The following PCDHGB5 variants were observed in gnomAD, a reference collection of about 807,000 sequenced individuals.
The protein encoded by PCDHGB5 is protocadherin gamma subfamily B, 5.
PCDHGB5 carries 48 observed loss-of-function variants against 62.9 expected under a neutral mutation model. The observed-to-expected ratio is 0.76, with a 90% CI of 0.61 to 0.97. The LOEUF (loss-of-function observed/expected upper bound fraction) is 0.97, where lower values mean the gene tolerates loss of function less well. Ranked by LOEUF, PCDHGB5 falls within the 50% of genes least tolerant of loss-of-function variation. The pLI is 0.00. For synonymous variants in PCDHGB5, 474 were observed against 511.2 expected, an observed-to-expected ratio of 0.93 and a Z score of 0.98; for missense variants, 1,118 against 1,198.6, an observed-to-expected ratio of 0.93 and a Z score of 0.99.
rs1292277026 is a variant in PCDHGB5 at position 141,489,814 on chromosome 5, CCA to C, written c.2398-4992_2398-4991del. 6 of 1,614,024 alleles carry C rather than the reference CCA, an allele frequency of 3.7e-6. No homozygotes were observed. Among genetic ancestry groups the C allele is most frequent in the Non-Finnish European group, 8.5e-7 (1 of 1,180,004 alleles). ...GACCCTAAAAGATGGGAAGCCATTC[CCA>C]GAGCTGGTGCTAGAGCAGCAGCTGG... On this transcript the variant is annotated intron_variant, in intron 1 of 3. Transcript: ENST00000617380. This position sits in a 1 kb window ranked among gnomAD's most constrained non-coding sequence, Gnocchi z 4.5.
intron 1 of PCDHGB5, among the ~76,000 whole-genome samples, chr5:141,483,630 G>A (rs2099583876): frequency 6.7e-6 from 1 of 149,714 alleles, no homozygotes; most frequent in African/African-American, 2.5e-5. Flanking sequence ...ATGGGAGAAG[G>A]TATAGAGGGG....
At chr5:141,479,842 G>A (rs1167563746) in intron 1 of PCDHGB5, among the ~76,000 whole-genome samples, 3 of 152,172 alleles carry the variant, frequency 2.0e-5, no homozygotes, top group African/African-American at 7.2e-5. Context: ...TCCATGCAAG[G>A]TGACTGCAAG....
At chr5:141,422,415 A>C (rs1330043187) in intron 1 of PCDHGB5, 1 of 1,604,786 alleles carries the variant, frequency 6.2e-7, no homozygotes, top group Admixed American at 1.7e-5. Flanking sequence ...TTAAATTAGA[A>C]AAGACTTATG....
In PCDHGB5 at chr5:141,409,653, A is replaced by G. The variant is rs763812886; in HGVS notation, c.2397+9129A>G. 10 of 1,613,542 alleles carry G rather than the reference A, an allele frequency of 6.2e-6. No homozygotes were observed. The East Asian group carries it at 8.9e-5, about 14-fold the overall frequency. ...GCCTCTGACCCGGATTTGGGGCTCAATGGCCACATCTCCTACTCTATAGTG... is the reference window on the plus strand; with the variant it reads ...GCCTCTGACCCGGATTTGGGGCTCAGTGGCCACATCTCCTACTCTATAGTG... On this transcript the variant is annotated intron_variant, in intron 1 of 3. Transcript: ENST00000617380.
chr5:141,508,241 T>G (rs1475142426), intron 3 of PCDHGB5: 2 of 152,286 alleles, frequency 1.3e-5, no homozygotes, highest in East Asian at 3.9e-4. Context: ...CTCCTAAGTC[T>G]GCCTCTCCTG....
intron 1 of PCDHGB5, among the ~76,000 whole-genome samples, chr5:141,406,662 A>G (rs1357382326): frequency 6.6e-6 from 1 of 152,208 alleles, no homozygotes; most frequent in Non-Finnish European, 1.5e-5. Flanking sequence ...TTAATGTTAA[A>G]TTATGGAGAA....
chr5:141,410,119 C>T (rs1306210256), intron 1 of PCDHGB5: 2 of 1,612,822 alleles, frequency 1.2e-6, no homozygotes, highest in Middle Eastern at 1.7e-4. Flanking sequence ...ACGCAGCCCG[C>T]CAGCGCCTGC....
At chr5:141,497,849 T>G (rs1337258582) in intron 2 of PCDHGB5, among the ~76,000 whole-genome samples, 1 of 152,192 alleles carries the variant, frequency 6.6e-6, no homozygotes, top group African/African-American at 2.4e-5. Flanking sequence ...ACAAACATTT[T>G]TGATTCAGCG....
rs73794918 is a variant in PCDHGB5, at chr5:141,443,711, A to G, written c.2397+43187A>G. On this transcript the variant is annotated intron_variant, in intron 1 of 3. Coordinates refer to ENST00000617380, the MANE Select transcript of PCDHGB5 (RefSeq NM_018925.3). ...TCAAAAATTATAGAATAACATTTGC[A>G]TATAAAATTCCTCATACATTTCCCT... 9.8e-3 allele frequency among the ~76,000 whole-genome samples: 1,497 copies of G among 152,340 alleles called. 25 individuals are homozygous for G. Among genetic ancestry groups the G allele is most frequent in the African/African-American group, 0.033 (1,382 of 41,580 alleles).
At chr5:141,443,631 T>C (rs541727440) in intron 1 of PCDHGB5, among the ~76,000 whole-genome samples, 1 of 152,332 alleles carries the variant, frequency 6.6e-6, no homozygotes, top group South Asian at 2.1e-4. Context: ...ATTGTAAAAA[T>C]TGATCCAGAT....
At chr5:141,418,328 G>C in intron 1 of PCDHGB5, 1 of 1,614,002 alleles carries the variant, frequency 6.2e-7, no homozygotes. Flanking sequence ...TCTTGAGTCT[G>C]CAGAAGATCC....
At chr5:141,437,013 A>G (rs570721163) in intron 1 of PCDHGB5, among the ~76,000 whole-genome samples, 146 of 152,354 alleles carry the variant, frequency 9.6e-4, no homozygotes, top group Non-Finnish European at 1.2e-3. Flanking sequence ...ATCTTAGATA[A>G]TTTCACCAGA....
At chr5:141,409,351 G>A (rs756967611) in intron 1 of PCDHGB5, 7 of 1,613,982 alleles carry the variant, frequency 4.3e-6, no homozygotes, top group Non-Finnish European at 5.9e-6. Flanking sequence ...GAGAAGTCAG[G>A]TGTAATATAG....
At chr5:141,410,516 C>T in intron 1 of PCDHGB5, 2 of 1,613,910 alleles carry the variant, frequency 1.2e-6, no homozygotes, top group Middle Eastern at 1.6e-4. Context: ...ATGCAGTGTG[C>T]CCCTACATTC....
At position 141,490,359 on chromosome 5, in the gene PCDHGB5, T is replaced by A; in HGVS notation, c.2398-4448T>A. On this transcript the variant is annotated intron_variant, in intron 1 of 3. Coordinates refer to ENST00000617380, the MANE Select transcript of PCDHGB5 (RefSeq NM_018925.3). The surrounding 1 kb of genome is among the most constrained non-coding windows in gnomAD (Gnocchi z 5.4). ...TGGGCACAGTAGTGGGGTTGTTTAA[T>A]GTGCGAGACCGGGACTCAGGTAGAA... 6.2e-7 allele frequency: 1 copy of A among 1,614,212 alleles called. No individual in the cohort carries two copies. The highest frequency in any genetic ancestry group is 8.5e-7 in the Non-Finnish European group (1 of 1,180,036).
At chr5:141,456,336 G>A (rs2098850873) in intron 1 of PCDHGB5, among the ~76,000 whole-genome samples, 1 of 152,242 alleles carries the variant, frequency 6.6e-6, no homozygotes, top group Non-Finnish European at 1.5e-5. Context: ...TGATCTAAGG[G>A]TCCTCGGAAG....
At chr5:141,478,042 G>A (rs1358652557) in intron 1 of PCDHGB5, 18 of 1,614,152 alleles carry the variant, frequency 1.1e-5, no homozygotes, top group Non-Finnish European at 1.5e-5. Flanking sequence ...CACCCAGGCA[G>A]ACTCTCACGG....
intron 1 of PCDHGB5, chr5:141,407,957 G>A: frequency 1.5e-6 from 1 of 660,494 alleles, no homozygotes; most frequent in Non-Finnish European, 2.4e-6. Flanking sequence ...GGCCAGTGCA[G>A]AGCAAGCGCT....
Position 141,421,822 on chromosome 5 carries a change from G to A in PCDHGB5, c.2397+21298G>A, listed in dbSNP as rs2096603648. On this transcript the variant is annotated intron_variant, in intron 1 of 3. Transcript: ENST00000617380. ...CAAGAATCCAGAGCTAGTACTGGAG[G>A]GAAGCCTGGACCGAGAGAAAGAGGC... 3.7e-6 allele frequency: 6 copies of A among 1,613,690 alleles called. No homozygotes were observed. The East Asian group carries it at 1.1e-4, about 30-fold the overall frequency.
Sources: allele counts gnomAD v4.1 joint callset (sites outside exome capture counted in the v4.1 genomes callset), GRCh38; gene constraint gnomAD v4.1.1; non-coding constraint Gnocchi (gnomAD v3.1); transcripts MANE v1.5; gene names NCBI Gene and HGNC (gene_info 2026-07-23, HGNC 2026-07-21).